The following MADD variants were observed in gnomAD, a reference collection of about 807,000 sequenced individuals.
The protein encoded by MADD is MAP kinase activating death domain.
Under a neutral mutation model 176.7 loss-of-function variants are expected in MADD, and 109 were observed. The ratio of observed to expected loss-of-function variants is 0.62; its 90% CI spans 0.53 to 0.72. MADD has a LOEUF of 0.72. Among genes scored for constraint, MADD ranks in the 30% least tolerant of loss-of-function variants. The pLI is 0.00. For synonymous variants in MADD, 771 were observed against 771.3 expected (o/e 1.00, Z 0.01); for missense variants, 1,914 against 2,045.5 (o/e 0.94, Z 1.24).
chr11:47,298,578 A>G (rs1444191704), intron 22 of MADD, among the ~76,000 whole-genome samples: 4 of 152,310 alleles, frequency 2.6e-5, no homozygotes, highest in East Asian at 1.9e-4. Context: ...TATTCTGGCT[A>G]TTAATCCCTT....
At position 47,285,671 on chromosome 11, in the gene MADD, G is replaced by T; in HGVS notation, c.2551+81G>T. 1.9e-6 allele frequency: 3 copies of T among 1,584,218 alleles called. No individual in the cohort carries two copies. The East Asian group carries it at 6.7e-5, about 36-fold the overall frequency. On this transcript the variant is annotated intron_variant, in intron 14 of 32. Coordinates refer to ENST00000402192, the Ensembl canonical transcript of MADD. ...GCCTGACTATGGCAAATGTTGCTTAGAACTTCACATGTAGGGCTAGGTTGG... is the reference window on the plus strand; with the variant it reads ...GCCTGACTATGGCAAATGTTGCTTATAACTTCACATGTAGGGCTAGGTTGG...
At chr11:47,286,366 GT>G in intron 14 of MADD, 66 bp from the exon 15 acceptor site, 1 of 994,660 alleles carries the variant, frequency 1.0e-6, no homozygotes. Flanking sequence ...GATGCTGATA[GT>G]CATTAGTCTA....
In MADD at chr11:47,327,257, G is replaced by A. The variant is rs1233401912; in HGVS notation, c.4612+450G>A. The A allele has an allele frequency of 1.1e-5, 11 of 994,218 alleles. No homozygotes were observed. In the Admixed American group the frequency reaches 2.8e-4, roughly 26 times the overall value. 61.6% of individuals were successfully genotyped at this position (994,218 alleles called of 1,614,324 possible). A position where few individuals can be genotyped will look rare whatever the true frequency, so the allele number is the denominator to read the frequency against. ...CCTCTGTGCCAGACAAAGGGGCACC[G>A]GGCGTCGCAGGCAGACTCACTTGAG... On this transcript the variant is annotated intron_variant, in intron 31 of 32. Coordinates refer to ENST00000402192, the Ensembl canonical transcript of MADD.
At chr11:47,316,918 A>G (rs576228938) in intron 27 of MADD, among the ~76,000 whole-genome samples, 4 of 151,732 alleles carry the variant, frequency 2.6e-5, no homozygotes, top group African/African-American at 7.3e-5. Context: ...TAATTTTTCT[A>G]TTTTTAGTAG....
exon 18 of MADD, chr11:47,290,194 T>A (rs774537509): frequency 3.1e-6 from 5 of 1,614,130 alleles, no homozygotes; most frequent in African/African-American, 1.3e-5. Context: ...CCTCCTCAAG[T>A]GTACAGTCCT....
chr11:47,276,855 G>A, exon 5 of MADD: 5 of 1,614,142 alleles, frequency 3.1e-6, no homozygotes, highest in Non-Finnish European at 4.2e-6. Context: ...CATGGCATCA[G>A]CAGAGCAGGT....
chr11:47,290,785 T>C, exon 19 of MADD: 1 of 1,612,768 alleles, frequency 6.2e-7, no homozygotes, highest in Non-Finnish European at 8.5e-7. Flanking sequence ...ACACCAGAAG[T>C]TTAAAGGAAG....
At chr11:47,309,393 G>A in exon 24 of MADD, 3 of 1,614,214 alleles carry the variant, frequency 1.9e-6, no homozygotes, top group Non-Finnish European at 2.5e-6. Context: ...CCCAGGAAAT[G>A]ATCGACAGGT....
chr11:47,287,868 G>A (rs531513314), intron 15 of MADD, among the ~76,000 whole-genome samples: 2 of 137,822 alleles, frequency 1.5e-5, no homozygotes, highest in East Asian at 4.3e-4. Context: ...TTGCCTCACT[G>A]CAAGCTCCGC....
At chr11:47,271,040 G>A (rs1344973842) in intron 1 of MADD, 1 of 152,242 alleles carries the variant, frequency 6.6e-6, no homozygotes, top group East Asian at 1.9e-4. Context: ...CTGCTGAAAA[G>A]GCATAGATAA....
chr11:47,275,151 C>T lies in MADD; in HGVS notation c.651C>T (p.Gly217=), dbSNP rs574352608. The T allele has an allele frequency of 2.0e-5, 33 of 1,611,926 alleles. No homozygotes were observed. The highest frequency in any genetic ancestry group is 2.7e-5 in the Non-Finnish European group (32 of 1,179,222). Residue 217 remains glycine, a synonymous_variant, in exon 3 of 33, where the codon GGC becomes GGT. Transcript: ENST00000402192. ...GCAAGAAACTGGGCATCCCTCGAGG[C>T]GTACAAAGGTACAGTTTGCTGCTGA...
exon 33 of MADD, chr11:47,329,147 C>A: frequency 1.9e-6 from 3 of 1,613,380 alleles, no homozygotes; most frequent in South Asian, 2.2e-5. Context: ...CTGTCTCTAG[C>A]TGATGGAGAG....
chr11:47,311,673 T>C (rs770395626), intron 25 of MADD, 59 bp from the exon 29 acceptor site: 58 of 1,058,244 alleles, frequency 5.5e-5, no homozygotes, highest in Non-Finnish European at 8.4e-5. Flanking sequence ...TTCTCTTTTC[T>C]CTACCTCAGT....
intron 22 of MADD, among the ~76,000 whole-genome samples, chr11:47,299,328 T>G (rs986132440): frequency 2.9e-4 from 44 of 152,198 alleles, no homozygotes; most frequent in African/African-American, 1.0e-3. Context: ...TTCCCTATAC[T>G]CTTTCTTACA....
At chr11:47,285,564 G>A in exon 14 of MADD, 1 of 1,614,126 alleles carries the variant, frequency 6.2e-7, no homozygotes, top group South Asian at 1.1e-5. Context: ...AGCACCGAGG[G>A]CTTCGGGGGC....
Position 47,285,208 on chromosome 11 carries a change from C to T in MADD, c.2411+14C>T, listed in dbSNP as rs143865368. 2.7e-5 allele frequency: 43 copies of T among 1,612,064 alleles called. 1 individual carries two copies. In the East Asian group the frequency reaches 9.4e-4, roughly 35 times the overall value. Reference sequence around the variant, plus strand: ...CAGTGGCAATCGGTGAGAGCCTGGGCATCCCTTCTAGATGGGTGACTGAAG... The same window carrying T: ...CAGTGGCAATCGGTGAGAGCCTGGGTATCCCTTCTAGATGGGTGACTGAAG... On this transcript the variant is annotated intron_variant, in intron 13 of 32. Transcript: ENST00000402192.
intron 3 of MADD, among the ~76,000 whole-genome samples, chr11:47,275,487 C>T (rs998451243): frequency 1.3e-5 from 2 of 152,190 alleles, no homozygotes; most frequent in Non-Finnish European, 2.9e-5. Flanking sequence ...GACAAGGTTT[C>T]GCCATGTTGG....
intron 31 of MADD, chr11:47,327,129 T>G: frequency 9.3e-7 from 1 of 1,074,380 alleles, no homozygotes; most frequent in Non-Finnish European, 1.1e-6. Flanking sequence ...CACAGCAGAC[T>G]GGCGACCCCC....
At chr11:47,305,921 C>G (rs1269251472) in intron 22 of MADD, among the ~76,000 whole-genome samples, 1 of 152,162 alleles carries the variant, frequency 6.6e-6, no homozygotes, top group African/African-American at 2.4e-5. Context: ...CCACCAATTC[C>G]CCTGGGGACA....
Sources: gnomAD v4.1 joint callset for allele counts (sites outside exome capture counted in the v4.1 genomes callset) on GRCh38, gnomAD v4.1.1 for gene constraint, MANE v1.5 for transcripts, NCBI Gene and HGNC (gene_info 2026-07-23, HGNC 2026-07-21) for gene names.